DTNBP1: variants seen among roughly 807,000 people sequenced by gnomAD.
DTNBP1 encodes dysbindin.
A neutral mutation model predicts 42.8 loss-of-function variants in DTNBP1; 35 were observed. That is an observed-to-expected ratio of 0.82 (90% CI 0.63 to 1.09). The LOEUF is 1.09. Ranked by LOEUF, DTNBP1 falls within the 50% of genes least tolerant of loss-of-function variation. The pLI is 0.00. For missense variants in DTNBP1, 457 were observed against 424.2 expected, an observed-to-expected ratio of 1.08 and a Z score of -0.68; for synonymous variants, 171 against 162.2, an observed-to-expected ratio of 1.05 and a Z score of -0.41.
rs369459909 is a variant in DTNBP1, at chr6:15,646,352, C to A, written c.161+4961G>T. Reference sequence around the variant, plus strand: ...TCTCTACAAAGAGAACTGTAAAACACTGATGAAAGAAATCATAGATGACAC... The same window carrying A: ...TCTCTACAAAGAGAACTGTAAAACAATGATGAAAGAAATCATAGATGACAC... On this transcript the variant is annotated intron_variant, in intron 3 of 9. Transcript: ENST00000344537. Among the ~76,000 whole-genome samples, 4 of 151,492 alleles carry A rather than the reference C, an allele frequency of 2.6e-5. No homozygotes were observed. The East Asian group carries it at 7.8e-4, about 29-fold the overall frequency.
chr6:15,524,128 C>T (rs771875118), intron 9 of DTNBP1: 15 of 1,367,850 alleles, frequency 1.1e-5, no homozygotes, highest in Admixed American at 6.5e-5. Context: ...ATGGCAGGCA[C>T]GCCCCTAAAT....
At chr6:15,593,509 T>C (rs1045994866) in intron 6 of DTNBP1, among the ~76,000 whole-genome samples, 1 of 152,156 alleles carries the variant, frequency 6.6e-6, no homozygotes, top group Non-Finnish European at 1.5e-5. Context: ...TTATCCAAAA[T>C]AGAAGCAGTT....
At chr6:15,596,542 T>C (rs528651355) in intron 6 of DTNBP1, among the ~76,000 whole-genome samples, 5 of 152,258 alleles carry the variant, frequency 3.3e-5, no homozygotes, top group Admixed American at 6.5e-5. Context: ...CAGTTCCCTC[T>C]AGTGTTCTCC....
intron 5 of DTNBP1, among the ~76,000 whole-genome samples, chr6:15,621,878 C>T (rs551481343): frequency 5.3e-5 from 8 of 152,316 alleles, no homozygotes; most frequent in South Asian, 4.1e-4. Context: ...AGTGGCAGCC[C>T]GCCCTCCTCC....
chr6:15,631,130 C>T (rs1008677599), intron 4 of DTNBP1, among the ~76,000 whole-genome samples: 8 of 152,066 alleles, frequency 5.3e-5, no homozygotes, highest in Non-Finnish European at 7.4e-5. Context: ...GACACATGAG[C>T]GGTCTGACAA....
chr6:15,613,986 C>T (rs940441017), intron 6 of DTNBP1, among the ~76,000 whole-genome samples: 1 of 152,096 alleles, frequency 6.6e-6, no homozygotes, highest in African/African-American at 2.4e-5. Flanking sequence ...CAACTTTCTC[C>T]ACTGGAATTA....
intron 4 of DTNBP1, among the ~76,000 whole-genome samples, chr6:15,628,043 G>C (rs1444332498): frequency 6.6e-6 from 1 of 152,210 alleles, no homozygotes; most frequent in African/African-American, 2.4e-5. Context: ...TTAAGTTAAT[G>C]AGGAATTCAG....
intron 7 of DTNBP1, among the ~76,000 whole-genome samples, chr6:15,535,089 A>ACTGATTGG (rs1353302221): frequency 6.7e-6 from 1 of 149,786 alleles, no homozygotes; most frequent in Non-Finnish European, 1.5e-5. Flanking sequence ...AGGGGAGGGA[A>ACTGATTGG]GTGATTGGGT....
At chr6:15,547,758 C>T (rs73724437) in intron 7 of DTNBP1, among the ~76,000 whole-genome samples, 46 of 152,304 alleles carry the variant, frequency 3.0e-4, no homozygotes, top group African/African-American at 1.1e-3. Context: ...GTGGCTTCCA[C>T]ACAGAAGGAG....
intron 5 of DTNBP1, among the ~76,000 whole-genome samples, chr6:15,618,056 T>C (rs543995566): frequency 2.0e-5 from 3 of 152,310 alleles, no homozygotes; most frequent in South Asian, 4.1e-4. Flanking sequence ...ATTTTCGTTT[T>C]GTTTTGTTTC....
chr6:15,615,141 T>G, intron 6 of DTNBP1, 126 bp downstream of exon 6: 1 of 1,463,808 alleles, frequency 6.8e-7, no homozygotes, highest in Non-Finnish European at 9.5e-7. Context: ...TTTGGAAAGC[T>G]TATTTATCAG....
intron 8 of DTNBP1, among the ~76,000 whole-genome samples, chr6:15,527,481 A>G (rs1772487764): frequency 2.0e-5 from 3 of 152,248 alleles, no homozygotes; most frequent in Admixed American, 2.0e-4. Flanking sequence ...AAATTTACCC[A>G]GAAATTATGA....
chr6:15,620,939 C>A (rs937974695), intron 5 of DTNBP1, among the ~76,000 whole-genome samples: 1 of 152,038 alleles, frequency 6.6e-6, no homozygotes, highest in African/African-American at 2.4e-5. Flanking sequence ...TAATACTTGA[C>A]AGTAAATAAT....
chr6:15,586,040 T>C, intron 7 of DTNBP1: 23 of 1,163,056 alleles, frequency 2.0e-5, no homozygotes, highest in Non-Finnish European at 2.4e-5. Flanking sequence ...TCTGGGACCA[T>C]ACCAAATGCA....
At chr6:15,603,069 T>C (rs1409006586) in intron 6 of DTNBP1, among the ~76,000 whole-genome samples, 2 of 152,236 alleles carry the variant, frequency 1.3e-5, no homozygotes, top group Non-Finnish European at 2.9e-5. Flanking sequence ...TGACTACACA[T>C]AAAGTCTGAA....
At chr6:15,606,886 T>C (rs1056541418) in intron 6 of DTNBP1, among the ~76,000 whole-genome samples, 1 of 152,210 alleles carries the variant, frequency 6.6e-6, no homozygotes, top group African/African-American at 2.4e-5. Flanking sequence ...AGTTTTTCAC[T>C]GGCAGTATTT....
intron 7 of DTNBP1, 69 bp downstream of exon 7, chr6:15,592,989 AT>A (rs1167206940): frequency 2.9e-6 from 4 of 1,389,156 alleles, no homozygotes; most frequent in Admixed American, 4.6e-5. Flanking sequence ...TTTGTTCATC[AT>A]TGTCGAGAGA....
At chr6:15,615,935 G>A (rs1758691013) in intron 5 of DTNBP1, among the ~76,000 whole-genome samples, 1 of 152,210 alleles carries the variant, frequency 6.6e-6, no homozygotes, top group Non-Finnish European at 1.5e-5. Context: ...GCTACTCAGT[G>A]GTTGGGTGAG....
At chr6:15,643,263 A>T (rs899657282) in intron 3 of DTNBP1, among the ~76,000 whole-genome samples, 2 of 152,238 alleles carry the variant, frequency 1.3e-5, no homozygotes, top group African/African-American at 2.4e-5. Flanking sequence ...CTGAATTTTT[A>T]AAAAATGAAC....
Sources: gnomAD v4.1 joint callset for allele counts (sites outside exome capture counted in the v4.1 genomes callset) on GRCh38, gnomAD v4.1.1 for gene constraint, MANE v1.5 for transcripts, NCBI Gene and HGNC (gene_info 2026-07-23, HGNC 2026-07-21) for gene names.